OR1B1: variants seen among roughly 807,000 people sequenced by gnomAD.
OR1B1 encodes olfactory receptor family 1 subfamily B member 1, also known as olfactory receptor 1B1.
For synonymous variants in OR1B1, 168 were observed against 156.2 expected (o/e 1.08, Z -0.57); for missense variants, 414 against 402.1 (o/e 1.03, Z -0.25).
chr9:122,632,634 A>G (rs553168699), upstream of OR1B1, among the ~76,000 whole-genome samples: 1 of 151,856 alleles, frequency 6.6e-6, no homozygotes, highest in African/African-American at 2.4e-5. Flanking sequence ...TTGCATCCTC[A>G]TAGCTTAGCT....
At chr9:122,635,243 T>C in the OR1B1 span, among the ~76,000 whole-genome samples, 2 of 152,222 alleles carry the variant, frequency 1.3e-5, no homozygotes, top group African/African-American at 4.8e-5. Context: ...GAGGATATTA[T>C]GTTAAGTGAG....
chr9:122,629,807 G>A (rs1336944620), upstream of OR1B1, among the ~76,000 whole-genome samples: 2 of 152,000 alleles, frequency 1.3e-5, no homozygotes, highest in East Asian at 3.9e-4. Context: ...CCCTCCCACA[G>A]TGAAAAACTC....
At chr9:122,643,205 TG>T in the OR1B1 span, among the ~76,000 whole-genome samples, 3 of 152,110 alleles carry the variant, frequency 2.0e-5, no homozygotes, top group Non-Finnish European at 4.4e-5. Flanking sequence ...GGAAGGCTAT[TG>T]AGAAGGGCAG....
chr9:122,651,463 C>T, the OR1B1 span, among the ~76,000 whole-genome samples: 1 of 152,112 alleles, frequency 6.6e-6, no homozygotes, highest in African/African-American at 2.4e-5. Context: ...TATCTCTTTA[C>T]CTTCCTTCCC....
chr9:122,645,413 A>G, the OR1B1 span, among the ~76,000 whole-genome samples: 1 of 152,150 alleles, frequency 6.6e-6, no homozygotes, highest in Non-Finnish European at 1.5e-5. Flanking sequence ...AGAGAAAAAT[A>G]TCAACATTCA....
chr9:122,640,417 A>C, the OR1B1 span, among the ~76,000 whole-genome samples: 1 of 152,144 alleles, frequency 6.6e-6, no homozygotes, highest in South Asian at 2.1e-4. Context: ...TGAAAATACA[A>C]TACCTAATGA....
chr9:122,644,523 C>T, the OR1B1 span, among the ~76,000 whole-genome samples: 1 of 152,188 alleles, frequency 6.6e-6, no homozygotes, highest in Non-Finnish European at 1.5e-5. Context: ...ATGCATGGGC[C>T]TGGGTAAACT....
chr9:122,649,762 A>C, the OR1B1 span, among the ~76,000 whole-genome samples: 1 of 152,230 alleles, frequency 6.6e-6, no homozygotes, highest in Admixed American at 6.5e-5. Context: ...GATGCTGGAG[A>C]GGATGTGGAG....
rs777468881 is a variant in OR1B1, at chr9:122,629,252, G to T, written c.284C>A (p.Pro95His). The T allele has an allele frequency of 1.7e-5, 28 of 1,614,034 alleles. No individual in the cohort carries two copies. In the Admixed American group the frequency reaches 4.7e-4, roughly 27 times the overall value. ...GAACTGAGCCAAGCAGCGGGCAGCA[G>T]GAATGGTTGGGTAATGAGAGACCAA... Residue 95 changes from proline to histidine, a missense_variant, in exon 1 of 1, where the codon CCT (proline) becomes CAT (histidine). By Grantham distance (77) the Pro-to-His change is moderately conservative. Transcript: ENST00000623530.
chr9:122,638,535 T>A, the OR1B1 span, among the ~76,000 whole-genome samples: 1 of 152,206 alleles, frequency 6.6e-6, no homozygotes, highest in Non-Finnish European at 1.5e-5. Flanking sequence ...AGCACCAGGA[T>A]ACTCAAGCTA....
At chr9:122,649,288 C>T in the OR1B1 span, among the ~76,000 whole-genome samples, 1 of 152,120 alleles carries the variant, frequency 6.6e-6, no homozygotes, top group African/African-American at 2.4e-5. Flanking sequence ...AGACCTAAAA[C>T]CATAAAAACC....
At chr9:122,646,221 T>A in the OR1B1 span, among the ~76,000 whole-genome samples, 5 of 149,354 alleles carry the variant, frequency 3.3e-5, no homozygotes, top group African/African-American at 1.2e-4. Flanking sequence ...GAGCAAAAAA[T>A]AAAAGCATAC....
At chr9:122,654,977 A>G in the OR1B1 span, among the ~76,000 whole-genome samples, 1 of 152,220 alleles carries the variant, frequency 6.6e-6, no homozygotes, top group African/African-American at 2.4e-5. Flanking sequence ...GTGGTGATGG[A>G]TTTGTTAATT....
upstream of OR1B1, among the ~76,000 whole-genome samples, chr9:122,633,116 A>T (rs1830221391): frequency 1.3e-5 from 2 of 152,178 alleles, no homozygotes; most frequent in African/African-American, 2.4e-5. Context: ...TCCCTCCCTG[A>T]ACACATAGGA....
the OR1B1 span, among the ~76,000 whole-genome samples, chr9:122,654,892 A>G: frequency 6.6e-6 from 1 of 152,222 alleles, no homozygotes; most frequent in Non-Finnish European, 1.5e-5. Flanking sequence ...AATGGTGACT[A>G]TAATAATTAT....
the OR1B1 span, among the ~76,000 whole-genome samples, chr9:122,643,490 TGG>T: frequency 2.0e-5 from 3 of 152,202 alleles, no homozygotes; most frequent in African/African-American, 7.2e-5. Context: ...CTCGCCACCA[TGG>T]GTTGAAGTGT....
At chr9:122,643,933 T>C in the OR1B1 span, among the ~76,000 whole-genome samples, 1 of 152,122 alleles carries the variant, frequency 6.6e-6, no homozygotes, top group Non-Finnish European at 1.5e-5. Context: ...TAAAGAGCCC[T>C]TGGGTCCTGA....
chr9:122,636,742 A>C, the OR1B1 span, among the ~76,000 whole-genome samples: 4 of 152,282 alleles, frequency 2.6e-5, no homozygotes, highest in African/African-American at 9.6e-5. Context: ...AACCAAACAA[A>C]AAAGATTTTC....
the OR1B1 span, among the ~76,000 whole-genome samples, chr9:122,645,699 T>C: frequency 1.3e-5 from 2 of 152,010 alleles, no homozygotes; most frequent in Admixed American, 6.6e-5. Context: ...AGTGAAAATA[T>C]CCATTAAGCA....
Sources: gnomAD v4.1 joint callset for allele counts (sites outside exome capture counted in the v4.1 genomes callset) on GRCh38, gnomAD v4.1.1 for gene constraint, MANE v1.5 for transcripts, NCBI Gene and HGNC (gene_info 2026-07-23, HGNC 2026-07-21) for gene names.